Variants in TBCD observed in about 807,000 individuals in gnomAD.
TBCD encodes tubulin folding cofactor D.
TBCD carries 105 observed loss-of-function variants against 169.3 expected under a neutral mutation model. That is an observed-to-expected ratio of 0.62 (90% confidence interval 0.53 to 0.73). TBCD has a LOEUF of 0.73. Ranked by LOEUF, TBCD falls within the 30% of genes least tolerant of loss-of-function variation. The pLI, the probability that TBCD is intolerant of heterozygous loss-of-function variation, is 0.00. For missense variants in TBCD, 1,444 were observed against 1,600.1 expected, an observed-to-expected ratio of 0.90 and a Z score of 1.66; for synonymous variants, 700 against 643.9, an observed-to-expected ratio of 1.09 and a Z score of -1.32.
At chr17:82,772,115 G>A (rs1227307529) in intron 5 of TBCD, among the ~76,000 whole-genome samples, 2 of 152,138 alleles carry the variant, frequency 1.3e-5, no homozygotes, top group Non-Finnish European at 2.9e-5. Flanking sequence ...CATATTAGGT[G>A]CTCAATGAAT....
Position 82,927,923 on chromosome 17 carries a change from G to A in TBCD, c.2628G>A (p.Met876Ile), listed in dbSNP as rs780995488. 1.4e-5 allele frequency: 23 copies of A among 1,613,456 alleles called. No homozygotes were observed. In the East Asian group the frequency reaches 5.1e-4, roughly 36 times the overall value. ...DVGTWVRKAA[M>I]TSLMDLTLLL... ...CCATCAGGGTCCGCAAGGCCGCCAT[G>A]ACCAGTCTGATGGATCTGACACTTC... Residue 876 changes from methionine to isoleucine, a missense_variant, in exon 30 of 39, where the codon ATG becomes ATA. By Grantham distance (10) the Met-to-Ile change is conservative (BLOSUM62 1). Coordinates refer to ENST00000355528, the MANE Select transcript of TBCD (RefSeq NM_005993.5).
At chr17:82,815,328 G>T (rs1054414184) in intron 13 of TBCD, among the ~76,000 whole-genome samples, 1 of 152,162 alleles carries the variant, frequency 6.6e-6, no homozygotes, top group Admixed American at 6.5e-5. Flanking sequence ...GGACATTGTC[G>T]CCCCTTAAGG....
intron 6 of TBCD, among the ~76,000 whole-genome samples, chr17:82,780,123 C>T (rs2048848050): frequency 6.6e-6 from 1 of 152,192 alleles, no homozygotes; most frequent in South Asian, 2.1e-4. Flanking sequence ...TGCTCTGCTT[C>T]GACCATGTTG....
chr17:82,787,346 C>T (rs143086196), intron 7 of TBCD, among the ~76,000 whole-genome samples: 4 of 152,356 alleles, frequency 2.6e-5, no homozygotes, highest in East Asian at 1.9e-4. Flanking sequence ...CGTGAAGCAA[C>T]GCCTGGCGGG....
At chr17:82,907,096 C>A (rs1038574943) in intron 20 of TBCD, among the ~76,000 whole-genome samples, 1 of 152,240 alleles carries the variant, frequency 6.6e-6, no homozygotes, top group Non-Finnish European at 1.5e-5. Context: ...CCGCCTGGCA[C>A]GAAACAAAAT....
chr17:82,753,772 G>C (rs2047245360), intron 1 of TBCD, among the ~76,000 whole-genome samples: 1 of 151,792 alleles, frequency 6.6e-6, no homozygotes, highest in Non-Finnish European at 1.5e-5. Context: ...TCTTTCTGCG[G>C]GCTGCCCAGA....
chr17:82,848,181 C>T (rs2055311206), intron 13 of TBCD, among the ~76,000 whole-genome samples: 2 of 152,192 alleles, frequency 1.3e-5, no homozygotes, highest in Admixed American at 1.3e-4. Flanking sequence ...CTCCTCCCTT[C>T]CAACACCTTC....
chr17:82,855,091 C>G (rs2056138757), intron 13 of TBCD, among the ~76,000 whole-genome samples: 1 of 152,144 alleles, frequency 6.6e-6, no homozygotes, highest in African/African-American at 2.4e-5. Context: ...TGCCCCCTCA[C>G]CCTGCTGTCC....
At chr17:82,758,659 T>C (rs112276462) in intron 2 of TBCD, among the ~76,000 whole-genome samples, 59 of 139,214 alleles carry the variant, frequency 4.2e-4, no homozygotes, top group African/African-American at 1.5e-3. Flanking sequence ...TTTTTTTTTT[T>C]TCTTTTTTTT....
Position 82,790,080 on chromosome 17 carries a change from C to T in TBCD, c.772-7677C>T, listed in dbSNP as rs2049596229. 2.0e-5 allele frequency among the ~76,000 whole-genome samples: 3 copies of T among 152,294 alleles called. No individual in the cohort carries two copies. In the South Asian group the frequency reaches 6.2e-4, roughly 32 times the overall value. On this transcript the variant is annotated intron_variant, in intron 7 of 38. Transcript: ENST00000355528. ...GCGCCGCCACCCTGTCCTGGGGGTC[C>T]TTGTCCCAGCACGTGGCTCTGTGCT...
At chr17:82,797,509 C>G (rs1414994454) in intron 7 of TBCD, among the ~76,000 whole-genome samples, 1 of 152,130 alleles carries the variant, frequency 6.6e-6, no homozygotes, top group Non-Finnish European at 1.5e-5. Context: ...GGTGGAGAGG[C>G]TGCAGTCTCC....
intron 11 of TBCD, among the ~76,000 whole-genome samples, chr17:82,809,456 A>G (rs2051265428): frequency 6.6e-6 from 1 of 152,134 alleles, no homozygotes; most frequent in African/African-American, 2.4e-5. Flanking sequence ...TCCGCGTTAC[A>G]GTGGTACATG....
intron 14 of TBCD, among the ~76,000 whole-genome samples, chr17:82,872,212 G>A (rs1320020627): frequency 6.6e-6 from 1 of 152,250 alleles, no homozygotes; most frequent in African/African-American, 2.4e-5. Flanking sequence ...GAACACGCAC[G>A]TCCCTCTTGT....
In TBCD at chr17:82,831,939, C is replaced by A. The variant is rs750293670; in HGVS notation, c.1318+17005C>A. The stretch of plus-strand genomic sequence containing the variant: ...TCTCGGGCGCCTCGGCGTTGTCTGG[C>A]CCCTTGAGTCTGTGCTCGCCGACTG... On this transcript the variant is annotated intron_variant, in intron 13 of 38. Coordinates refer to ENST00000355528, the MANE Select transcript of TBCD (RefSeq NM_005993.5). The surrounding 1 kb of genome is among the most constrained non-coding windows in gnomAD (Gnocchi z 4.6). The A allele has an allele frequency of 1.8e-5, 29 of 1,613,992 alleles. No homozygotes were observed. Among genetic ancestry groups the A allele is most frequent in the Non-Finnish European group, 2.4e-5 (28 of 1,180,028 alleles).
chr17:82,907,666 A>G lies in TBCD; in HGVS notation c.1923-95A>G, dbSNP rs145199710. ...TGCTCCTCCGAGTGTACTTGGGGTT[A>G]GGGTCTTGGGGAGTGTGGCCTCAGC... is the stretch of plus-strand genomic sequence containing the variant. On this transcript the variant is annotated intron_variant, in intron 20 of 38. Transcript: ENST00000355528. 35 of 1,364,304 alleles carry G rather than the reference A, an allele frequency of 2.6e-5. 1 individual carries two copies. The African/African-American group carries it at 3.7e-4, about 14-fold the overall frequency. 84.5% of individuals were successfully genotyped at this position (1,364,304 alleles called of 1,614,324 possible). A position where few individuals can be genotyped will look rare whatever the true frequency, so the allele number is the denominator to read the frequency against.
intron 16 of TBCD, among the ~76,000 whole-genome samples, chr17:82,892,744 T>C (rs1599290570): frequency 6.6e-6 from 1 of 152,226 alleles, no homozygotes; most frequent in East Asian, 1.9e-4. Context: ...CTGTGGTTTA[T>C]AGCTGTAAGG....
chr17:82,880,627 C>A lies in TBCD; in HGVS notation c.1476-3518C>A, dbSNP rs895046532. Among the ~76,000 whole-genome samples the A allele has an allele frequency of 1.4e-4, 22 of 151,810 alleles. No individual in the cohort carries two copies. Among genetic ancestry groups the A allele is most frequent in the African/African-American group, 5.1e-4 (21 of 41,314 alleles). On this transcript the variant is annotated intron_variant, in intron 14 of 38. Coordinates refer to ENST00000355528, the MANE Select transcript of TBCD (RefSeq NM_005993.5). This position sits in a 1 kb window ranked among gnomAD's most constrained non-coding sequence, Gnocchi z 5.0. ...GCATCCAGGCCCTCAGGGCAGGTAG[C>A]GGGTGGGCCTCCGTGGTGTTGGGAG...
Position 82,806,021 on chromosome 17 carries a change from G to T in TBCD, c.1087+10G>T. On this transcript the variant is annotated intron_variant, in intron 10 of 38. Transcript: ENST00000355528. The surrounding 1 kb of genome is among the most constrained non-coding windows in gnomAD (Gnocchi z 5.1). ...GTGGAGCGTGTGATAGGTGCGTGGGGTCTAAGCGGCGGCCTCTGCTCTTGG... is the reference window on the plus strand; with the variant it reads ...GTGGAGCGTGTGATAGGTGCGTGGGTTCTAAGCGGCGGCCTCTGCTCTTGG... 6.2e-7 allele frequency: 1 copy of T among 1,610,808 alleles called. No individual in the cohort carries two copies. Among genetic ancestry groups the T allele is most frequent in the South Asian group, 1.1e-5 (1 of 91,030 alleles).
chr17:82,804,013 G>T (rs113741870), intron 9 of TBCD, among the ~76,000 whole-genome samples: 2 of 147,066 alleles, frequency 1.4e-5, no homozygotes, highest in Admixed American at 6.8e-5. Flanking sequence ...GGGGGCCGGG[G>T]TGCACCTGCC....
Sources: allele counts gnomAD v4.1 joint callset (sites outside exome capture counted in the v4.1 genomes callset), GRCh38; gene constraint gnomAD v4.1.1; non-coding constraint Gnocchi (gnomAD v3.1); transcripts MANE v1.5; gene names NCBI Gene and HGNC (gene_info 2026-07-23, HGNC 2026-07-21).